The following CADPS variants were observed in gnomAD, a reference collection of about 807,000 sequenced individuals.
CADPS encodes calcium-dependent secretion activator 1.
In CADPS, 57 loss-of-function variants were observed where a neutral mutation model predicts 167.3. The ratio of observed to expected loss-of-function variants is 0.34; its 90% confidence interval spans 0.28 to 0.42. The LOEUF (loss-of-function observed/expected upper bound fraction) is 0.42, where lower values mean the gene tolerates loss of function less well. Among genes scored for constraint, CADPS ranks in the 20% least tolerant of loss-of-function variants. The pLI is 1.00. For synonymous variants in CADPS, 676 were observed against 635.3 expected (o/e 1.06, Z -0.96); for missense variants, 1,414 against 1,738.1 (o/e 0.81, Z 3.32).
chr3:62,622,468 A>G (rs2063347072), intron 6 of CADPS, among the ~76,000 whole-genome samples: 1 of 152,158 alleles, frequency 6.6e-6, no homozygotes, highest in South Asian at 2.1e-4. Context: ...TATTTTCCAG[A>G]CATGGCAATT....
At chr3:62,750,988 T>G (rs1461992781) in intron 3 of CADPS, among the ~76,000 whole-genome samples, 1 of 152,180 alleles carries the variant, frequency 6.6e-6, no homozygotes, top group African/African-American at 2.4e-5. Flanking sequence ...TTGCACACAC[T>G]TCTGCGTATC....
chr3:62,651,480 G>T (rs1201521877), intron 4 of CADPS, among the ~76,000 whole-genome samples: 2 of 152,144 alleles, frequency 1.3e-5, no homozygotes, highest in African/African-American at 2.4e-5. Context: ...AACAGAAAGA[G>T]ACCCTATTTC....
chr3:62,620,666 G>A (rs2063037663), intron 6 of CADPS, among the ~76,000 whole-genome samples: 1 of 152,158 alleles, frequency 6.6e-6, no homozygotes, highest in South Asian at 2.1e-4. Context: ...AGCCCAGTTT[G>A]ACTTCAGAGT....
intron 3 of CADPS, among the ~76,000 whole-genome samples, chr3:62,700,738 G>A (rs559482675): frequency 6.6e-6 from 1 of 152,228 alleles, no homozygotes; most frequent in Non-Finnish European, 1.5e-5. Context: ...GCTCAGTTTA[G>A]GGCTGGGAAA....
At chr3:62,613,311 C>G (rs1045871359) in intron 6 of CADPS, among the ~76,000 whole-genome samples, 8 of 152,182 alleles carry the variant, frequency 5.3e-5, no homozygotes, top group Non-Finnish European at 1.2e-4. Flanking sequence ...TTGATAATCT[C>G]TCTCTGTGGC....
intron 10 of CADPS, among the ~76,000 whole-genome samples, chr3:62,550,637 A>G (rs1316314150): frequency 6.6e-6 from 1 of 152,132 alleles, no homozygotes; most frequent in African/African-American, 2.4e-5. Flanking sequence ...AAGCTCCCAG[A>G]TGATTCAGAT....
At chr3:62,772,035 C>T (rs2088963314) in intron 1 of CADPS, among the ~76,000 whole-genome samples, 1 of 152,044 alleles carries the variant, frequency 6.6e-6, no homozygotes, top group South Asian at 2.1e-4. Context: ...GCAATATCTA[C>T]TTTACAGAGT....
At chr3:62,634,067 G>A (rs7646027) in intron 6 of CADPS, among the ~76,000 whole-genome samples, 63,676 of 152,016 alleles carry the variant, frequency 0.42, 13,519 homozygotes, top group East Asian at 0.6. Flanking sequence ...CGTTGACAGC[G>A]ACATTGACAG....
rs1042357665 is a variant in CADPS at position 62,874,308 on chromosome 3, G to C, written c.441+281C>G. ...TCGGTCCACAAAGCGGGACCTGCCT[G>C]CCTCGCTCACCAACGCTCCCGGGCT... On this transcript the variant is annotated intron_variant, in intron 1 of 29. Transcript: ENST00000383710. The surrounding 1 kb of genome is among the most constrained non-coding windows in gnomAD (Gnocchi z 7.1). Among the ~76,000 whole-genome samples the C allele has an allele frequency of 4.6e-5, 7 of 152,192 alleles. No individual in the cohort carries two copies. Among genetic ancestry groups the C allele is most frequent in the Non-Finnish European group, 1.0e-4 (7 of 68,038 alleles).
chr3:62,764,287 C>T (rs1376650177), intron 2 of CADPS, among the ~76,000 whole-genome samples: 1 of 152,110 alleles, frequency 6.6e-6, no homozygotes, highest in East Asian at 1.9e-4. Context: ...TATCATATAT[C>T]ACTGTGATTC....
intron 23 of CADPS, among the ~76,000 whole-genome samples, chr3:62,476,997 A>C (rs1244708939): frequency 2.0e-5 from 3 of 152,186 alleles, no homozygotes; most frequent in Non-Finnish European, 4.4e-5. Flanking sequence ...ATAAAAGAGC[A>C]ATACTAAAAA....
chr3:62,838,802 T>C (rs185581329), intron 1 of CADPS, among the ~76,000 whole-genome samples: 1 of 152,300 alleles, frequency 6.6e-6, no homozygotes, highest in Admixed American at 6.5e-5. Flanking sequence ...CCCAGATTAC[T>C]GGATGCTGGA....
At chr3:62,591,176 A>G (rs959562671) in intron 7 of CADPS, among the ~76,000 whole-genome samples, 1 of 152,132 alleles carries the variant, frequency 6.6e-6, no homozygotes, top group African/African-American at 2.4e-5. Flanking sequence ...ATTTATTGAA[A>G]GTCTATGTGC....
chr3:62,614,866 T>G (rs891869996), intron 6 of CADPS, among the ~76,000 whole-genome samples: 1 of 152,216 alleles, frequency 6.6e-6, no homozygotes, highest in African/African-American at 2.4e-5. Context: ...ACCCTCACCC[T>G]TCTCAGCCTC....
chr3:62,803,728 A>T (rs192711817), intron 1 of CADPS, among the ~76,000 whole-genome samples: 197 of 152,208 alleles, frequency 1.3e-3, no homozygotes, highest in African/African-American at 4.5e-3. Context: ...AAGCACTCTA[A>T]ATGTTAACAG....
At chr3:62,593,516 T>G (rs1578398082) in intron 6 of CADPS, among the ~76,000 whole-genome samples, 2 of 152,234 alleles carry the variant, frequency 1.3e-5, no homozygotes, top group South Asian at 4.1e-4. Context: ...GCAAGCAGAG[T>G]GATCTTCCAG....
chr3:62,810,194 T>C (rs906686255), intron 1 of CADPS, among the ~76,000 whole-genome samples: 10 of 152,172 alleles, frequency 6.6e-5, no homozygotes, highest in Non-Finnish European at 2.9e-5. Flanking sequence ...CTCAAAAGCA[T>C]GGTTTTGGTA....
At chr3:62,693,653 C>T (rs1249096816) in intron 3 of CADPS, among the ~76,000 whole-genome samples, 6 of 151,736 alleles carry the variant, frequency 4.0e-5, no homozygotes, top group Non-Finnish European at 5.9e-5. Flanking sequence ...AGCATGCTGG[C>T]GCATGCCCGT....
At chr3:62,594,323 G>A (rs989095350) in intron 6 of CADPS, among the ~76,000 whole-genome samples, 4 of 151,020 alleles carry the variant, frequency 2.6e-5, no homozygotes, top group Admixed American at 2.0e-4. Context: ...CACTATGCCC[G>A]GCTAATTTTT....
Sources: gnomAD v4.1 joint callset for allele counts (sites outside exome capture counted in the v4.1 genomes callset) on GRCh38, gnomAD v4.1.1 for gene constraint, Gnocchi (gnomAD v3.1) non-coding constraint, MANE v1.5 for transcripts, NCBI Gene and HGNC (gene_info 2026-07-23, HGNC 2026-07-21) for gene names.